Variants in PAM observed in about 807,000 individuals in gnomAD.
PAM encodes the protein peptidyl-glycine alpha-amidating monooxygenase.
PAM carries 72 observed loss-of-function variants against 122.1 expected under a neutral mutation model. That is an observed-to-expected ratio of 0.59 (90% confidence interval 0.49 to 0.72). PAM has a LOEUF of 0.72. Ranked by LOEUF, PAM falls within the 30% of genes least tolerant of loss-of-function variation. PAM has a pLI of 0.00. For synonymous variants in PAM, 389 were observed against 404.4 expected (o/e 0.96, Z 0.46); for missense variants, 1,106 against 1,183.7 (o/e 0.93, Z 0.96).
At chr5:102,910,486 TACTC>T (rs934554599) in intron 4 of PAM, among the ~76,000 whole-genome samples, 4 of 151,920 alleles carry the variant, frequency 2.6e-5, no homozygotes, top group Non-Finnish European at 5.9e-5. Flanking sequence ...TCCCAGGACT[TACTC>T]ACCTATAAAA....
At chr5:102,955,998 A>G (rs75230358) in intron 12 of PAM, among the ~76,000 whole-genome samples, 2,345 of 152,174 alleles carry the variant, frequency 0.015, 31 homozygotes, top group Non-Finnish European at 0.016. Context: ...TCTCTGTCAC[A>G]TAGGAGCTCA....
At chr5:103,021,654 C>T (rs1783586438) in intron 23 of PAM, among the ~76,000 whole-genome samples, 2 of 152,086 alleles carry the variant, frequency 1.3e-5, no homozygotes, top group South Asian at 2.1e-4. Context: ...AATAGTTAAC[C>T]CAAACTCAAA....
In PAM at chr5:102,881,836, C is replaced by T. The variant is rs577132319; in HGVS notation, c.210+14443C>T. On this transcript the variant is annotated intron_variant, in intron 3 of 25. Coordinates refer to ENST00000438793, the MANE Select transcript of PAM (RefSeq NM_001177306.2). ...ACCCAGTGTGTAGTCTTTTATCCCT[C>T]ATCTCCTTCCCACCTTTTCTCCCAA... 9.3e-5 allele frequency among the ~76,000 whole-genome samples: 14 copies of T among 151,226 alleles called. No individual in the cohort carries two copies. In the East Asian group the frequency reaches 2.6e-3, roughly 28 times the overall value.
rs557053619 is a variant in PAM at position 102,802,808 on chromosome 5, G to A, written c.-374+47460G>A. 9.7e-4 allele frequency among the ~76,000 whole-genome samples: 147 copies of A among 152,230 alleles called. 1 individual carries two copies. Among genetic ancestry groups the A allele is most frequent in the African/African-American group, 3.3e-3 (138 of 41,518 alleles). ...TAACTACCGTTTATGGAGTGTTTGT[G>A]ATGTGCCAGTACTGTATGCATTATC... On this transcript the variant is annotated intron_variant, in intron 1 of 25. Transcript: ENST00000438793.
At chr5:103,000,194 A>G (rs1393859039) in intron 16 of PAM, among the ~76,000 whole-genome samples, 1 of 152,136 alleles carries the variant, frequency 6.6e-6, no homozygotes, top group African/African-American at 2.4e-5. Flanking sequence ...CCACCAGATC[A>G]TCTTCCACCT....
rs754160942 is a variant in PAM, at chr5:102,913,911, C to T, written c.269-23C>T. The T allele has an allele frequency of 2.1e-5, 28 of 1,336,474 alleles. No individual in the cohort carries two copies. In the African/African-American group the frequency reaches 3.2e-4, roughly 15 times the overall value. 82.8% of individuals were successfully genotyped at this position (1,336,474 alleles called of 1,614,324 possible). A position where few individuals can be genotyped will look rare whatever the true frequency, so the allele number is the denominator to read the frequency against. ...CAGAAGTGTAACTTGTATTCACATA[C>T]ATGTATTATTTTCTCGTAACAGTTG... On this transcript the variant is annotated intron_variant, in intron 4 of 25. Transcript: ENST00000438793.
chr5:102,849,541 G>C (rs1396984055), intron 1 of PAM, among the ~76,000 whole-genome samples: 1 of 133,714 alleles, frequency 7.5e-6, no homozygotes, highest in Admixed American at 8.0e-5. Flanking sequence ...CTGGGTGACA[G>C]AGCAAGACTG....
intron 12 of PAM, among the ~76,000 whole-genome samples, chr5:102,953,385 G>T (rs149813515): frequency 6.6e-5 from 10 of 152,006 alleles, no homozygotes; most frequent in Middle Eastern, 3.4e-3. Flanking sequence ...TTACAAGGAG[G>T]GGGGGGAATC....
At chr5:103,028,825 T>A in intron 25 of PAM, 62 bp from the exon 26 acceptor site, 1 of 1,019,080 alleles carries the variant, frequency 9.8e-7, no homozygotes. Flanking sequence ...TTTAAGAATT[T>A]ACAAGGTAAC....
At chr5:102,787,589 T>TAAATGCCTAAACTCA (rs80204095) in intron 1 of PAM, among the ~76,000 whole-genome samples, 46,454 of 150,506 alleles carry the variant, frequency 0.31, 7,520 homozygotes, top group Non-Finnish European at 0.36. Flanking sequence ...CTGTATGGTC[T>TAAATGCCTAAACTCA]AAATGCCTAA....
At chr5:102,954,179 G>T (rs1462295867) in intron 12 of PAM, among the ~76,000 whole-genome samples, 1 of 151,812 alleles carries the variant, frequency 6.6e-6, no homozygotes, top group Non-Finnish European at 1.5e-5. Flanking sequence ...AATAGTTTTT[G>T]GGGAACAGGT....
At chr5:102,931,452 C>T (rs143000482) in intron 7 of PAM, among the ~76,000 whole-genome samples, 10 of 152,220 alleles carry the variant, frequency 6.6e-5, no homozygotes, top group African/African-American at 2.2e-4. Context: ...GTTTTTTCAG[C>T]GAAATCTTGT....
At chr5:102,820,782 T>C (rs1771618581) in intron 1 of PAM, among the ~76,000 whole-genome samples, 1 of 152,112 alleles carries the variant, frequency 6.6e-6, no homozygotes, top group African/African-American at 2.4e-5. Flanking sequence ...TGCTATGTAG[T>C]ACTTATGGGA....
At chr5:102,920,030 C>T (rs760434591) in intron 5 of PAM, among the ~76,000 whole-genome samples, 2 of 152,078 alleles carry the variant, frequency 1.3e-5, no homozygotes, top group African/African-American at 2.4e-5. Context: ...TATAATGCAG[C>T]GTTGTATTTA....
rs115966649 is a variant in PAM at position 102,978,426 on chromosome 5, G to A, written c.1483+3990G>A. ...AGATAGAGATAGCATTAATAGAGTA[G>A]AAACAAAATCTTAGGTATCTTTATT... On this transcript the variant is annotated intron_variant, in intron 15 of 25. Transcript: ENST00000438793. 7.5e-3 allele frequency among the ~76,000 whole-genome samples: 1,146 copies of A among 152,196 alleles called. 23 individuals carry two copies. The highest frequency in any genetic ancestry group is 0.026 in the African/African-American group (1,096 of 41,540).
chr5:102,761,365 A>C (rs1239367710), intron 1 of PAM, among the ~76,000 whole-genome samples: 1 of 152,246 alleles, frequency 6.6e-6, no homozygotes, highest in African/African-American at 2.4e-5. Flanking sequence ...AGTACTGGGA[A>C]GCAAATGCAC....
chr5:102,990,984 C>G (rs976761808), intron 16 of PAM, among the ~76,000 whole-genome samples: 9 of 152,164 alleles, frequency 5.9e-5, no homozygotes, highest in Non-Finnish European at 5.9e-5. Flanking sequence ...AAGAATAACT[C>G]TAGGACTATC....
At chr5:102,799,575 T>C (rs866394663) in intron 1 of PAM, among the ~76,000 whole-genome samples, 1 of 152,208 alleles carries the variant, frequency 6.6e-6, no homozygotes, top group African/African-American at 2.4e-5. Context: ...AGTAATGATA[T>C]CGAATTTATA....
At chr5:102,821,451 TG>T (rs1180203033) in intron 1 of PAM, among the ~76,000 whole-genome samples, 1 of 152,206 alleles carries the variant, frequency 6.6e-6, no homozygotes, top group Non-Finnish European at 1.5e-5. Context: ...TATTTCTTTC[TG>T]GGCCAGTTTT....
Sources: allele counts gnomAD v4.1 joint callset (sites outside exome capture counted in the v4.1 genomes callset), GRCh38; gene constraint gnomAD v4.1.1; transcripts MANE v1.5; gene names NCBI Gene and HGNC (gene_info 2026-07-23, HGNC 2026-07-21).